MPP2: variants seen among roughly 807,000 people sequenced by gnomAD.
The protein encoded by MPP2 is MAGUK p55 scaffold protein 2.
In MPP2, 42 loss-of-function variants were observed where a neutral mutation model predicts 58.5. The observed-to-expected ratio is 0.72, with a 90% CI of 0.56 to 0.93. The LOEUF is 0.93. Among genes scored for constraint, MPP2 ranks in the 40% least tolerant of loss-of-function variants. MPP2 has a pLI of 0.00. For synonymous variants in MPP2, 300 were observed against 307.8 expected, an observed-to-expected ratio of 0.97 and a Z score of 0.26; for missense variants, 632 against 760.4, an observed-to-expected ratio of 0.83 and a Z score of 1.99.
At chr17:43,894,444 T>TATATATATATATATATATATATATATAC (rs1437854675) in intron 3 of MPP2, among the ~76,000 whole-genome samples, 1 of 81,274 alleles carries the variant, frequency 1.2e-5, no homozygotes, top group Non-Finnish European at 2.4e-5. Context: ...TATATATATA[T>TATATATATATATATATATATATATATAC]ACACACACAC....
chr17:43,896,628 C>G (rs953397584), intron 3 of MPP2, among the ~76,000 whole-genome samples: 19 of 152,088 alleles, frequency 1.2e-4, no homozygotes, highest in Non-Finnish European at 2.5e-4. Context: ...CAGGCCAGCA[C>G]GTGCCCTGGA....
chr17:43,889,300 T>G (rs2047499150), intron 3 of MPP2, among the ~76,000 whole-genome samples: 1 of 151,772 alleles, frequency 6.6e-6, no homozygotes, highest in African/African-American at 2.4e-5. Context: ...AAAGCTCTTG[T>G]CAATATCCTA....
intron 3 of MPP2, among the ~76,000 whole-genome samples, chr17:43,894,509 C>T (rs1308662103): frequency 1.6e-5 from 2 of 127,128 alleles, no homozygotes; most frequent in African/African-American, 2.9e-5. Flanking sequence ...CCCAGCTACT[C>T]GGGAGGCTGA....
intron 2 of MPP2, among the ~76,000 whole-genome samples, chr17:43,899,617 T>C (rs2048002273): frequency 6.6e-6 from 1 of 152,134 alleles, no homozygotes; most frequent in Non-Finnish European, 1.5e-5. Context: ...AAGTCAAAGC[T>C]GAGGCCTGGA....
intron 3 of MPP2, 72 bp downstream of exon 3, chr17:43,898,190 G>A: frequency 8.5e-7 from 1 of 1,172,796 alleles, no homozygotes; most frequent in Non-Finnish European, 1.3e-6. Flanking sequence ...GCCCTCTGTA[G>A]CTAATACCCC....
rs991674408 is a variant in MPP2 at position 43,875,869 on chromosome 17, C to T, written c.*1938G>A. The T allele has an allele frequency of 2.0e-5, 3 of 152,222 alleles. No homozygotes were observed. Among genetic ancestry groups the T allele is most frequent in the African/African-American group, 7.2e-5 (3 of 41,430 alleles). 9.4% of individuals were successfully genotyped at this position (152,222 alleles called of 1,614,324 possible). A position where few individuals can be genotyped will look rare whatever the true frequency, so the allele number is the denominator to read the frequency against. Reference sequence around the variant, plus strand: ...GCTGCAACAACAGATCTTCCCCTGCCTCTACCCTCAAATCCCCCAGAGAAG... The same window carrying T: ...GCTGCAACAACAGATCTTCCCCTGCTTCTACCCTCAAATCCCCCAGAGAAG... On this transcript the variant is annotated 3_prime_UTR_variant, in exon 13 of 13. Coordinates refer to ENST00000269095, the MANE Select transcript of MPP2 (RefSeq NM_005374.5).
chr17:43,901,781 CTG>C (rs990024418), intron 2 of MPP2, among the ~76,000 whole-genome samples: 1 of 152,210 alleles, frequency 6.6e-6, no homozygotes, highest in African/African-American at 2.4e-5. Flanking sequence ...CCCAGTGCCA[CTG>C]TCCATTTATC....
At chr17:43,888,210 C>T (rs1040754097) in intron 3 of MPP2, among the ~76,000 whole-genome samples, 1 of 152,164 alleles carries the variant, frequency 6.6e-6, no homozygotes, top group Non-Finnish European at 1.5e-5. Context: ...TTTTCCCAAA[C>T]AGGCCAGGGA....
chr17:43,879,643 G>A lies in MPP2; in HGVS notation c.1353+139C>T. 9.2e-7 allele frequency: 1 copy of A among 1,086,134 alleles called. No homozygotes were observed. The highest frequency in any genetic ancestry group is 1.3e-6 in the Non-Finnish European group (1 of 754,476). 67.3% of individuals were successfully genotyped at this position (1,086,134 alleles called of 1,614,324 possible). A position where few individuals can be genotyped will look rare whatever the true frequency, so the allele number is the denominator to read the frequency against. On this transcript the variant is annotated intron_variant, in intron 11 of 12. Transcript: ENST00000269095. The surrounding 1 kb of genome is among the most constrained non-coding windows in gnomAD (Gnocchi z 4.1). Reference sequence around the variant, plus strand: ...GGAAGGCTGAGAAAGGTTCCAGGTGGGCTGGGTTTCTAGCAGTAGTTGAGG... The same window carrying A: ...GGAAGGCTGAGAAAGGTTCCAGGTGAGCTGGGTTTCTAGCAGTAGTTGAGG...
At chr17:43,909,675 G>T, upstream of MPP2, 6 of 1,272,572 alleles carry the variant, frequency 4.7e-6, no homozygotes, top group South Asian at 1.7e-5. Context: ...TGCATTCGTC[G>T]GTCAACAAGT....
At chr17:43,898,972 G>A (rs1050030236) in intron 2 of MPP2, among the ~76,000 whole-genome samples, 5 of 150,706 alleles carry the variant, frequency 3.3e-5, no homozygotes, top group Non-Finnish European at 7.4e-5. Context: ...CTGGCCGGGC[G>A]CGGTGGCTCA....
At chr17:43,884,129 C>G in intron 3 of MPP2, 1 of 702,860 alleles carries the variant, frequency 1.4e-6, no homozygotes, top group South Asian at 1.5e-5. Context: ...AGACATTCTG[C>G]TGCATAAACC....
Position 43,883,289 on chromosome 17 carries a change from C to T in MPP2, c.217G>A (p.Glu73Lys), listed in dbSNP as rs2047225771. 1 of 1,613,070 alleles carries T rather than the reference C, an allele frequency of 6.2e-7. No individual in the cohort carries two copies. Among genetic ancestry groups the T allele is most frequent in the Admixed American group, 1.7e-5 (1 of 59,968 alleles). ...VRDNNLELVQ[E>K]ILRDLAQLAE... ...AGCTGCGCCAGGTCCCGCAGGATCTCCTGCACCAGCTCCAGGTTGTTGTCT... is the reference window on the plus strand; with the variant it reads ...AGCTGCGCCAGGTCCCGCAGGATCTTCTGCACCAGCTCCAGGTTGTTGTCT... The change falls in exon 4 of 13, where the codon GAG becomes AAG. Residue 73 changes from glutamate to lysine, a missense_variant. By Grantham distance (56) the Glu-to-Lys change is moderately conservative. Transcript: ENST00000269095.
At position 43,877,930 on chromosome 17, in the gene MPP2, G is replaced by A. The variant is rs554116449; in HGVS notation, c.1536C>T (p.Tyr512=). 58 of 1,614,026 alleles carry A rather than the reference G, an allele frequency of 3.6e-5. No homozygotes were observed. In the South Asian group the frequency reaches 4.7e-4, roughly 13 times the overall value. The change falls in exon 13 of 13, where the codon TAC becomes TAT. Residue 512 remains tyrosine (Y), a synonymous_variant. Coordinates refer to ENST00000269095, the MANE Select transcript of MPP2 (RefSeq NM_005374.5). ...CCAGGCAGAGGTCAAAGTAGTGCCC[G>A]TAGCCCCGCTGGATGCGGCTGCTCT... is the stretch of plus-strand genomic sequence containing the variant. The part of the protein sequence containing the change: ...VEESSRIQRG[Y]GHYFDLCLVN...
Position 43,879,235 on chromosome 17 carries a change from GC to G in MPP2, c.1482+39del. 1 of 1,586,760 alleles carries G rather than the reference GC, an allele frequency of 6.3e-7. No individual in the cohort carries two copies. Among genetic ancestry groups the G allele is most frequent in the South Asian group, 1.1e-5 (1 of 88,194 alleles). Reference sequence around the variant, plus strand: ...TCAGGCCTGTCCCCCACCACCCTAGGCAGCTATCAGACCCCTCCCCCACACC... The same window carrying G: ...TCAGGCCTGTCCCCCACCACCCTAGGAGCTATCAGACCCCTCCCCCACACC... On this transcript the variant is annotated intron_variant, in intron 12 of 12. Coordinates refer to ENST00000269095, the MANE Select transcript of MPP2 (RefSeq NM_005374.5). The surrounding 1 kb of genome is among the most constrained non-coding windows in gnomAD (Gnocchi z 4.1).
chr17:43,880,727 T>C lies in MPP2; in HGVS notation c.1114A>G (p.Met372Val), dbSNP rs1277409278. The change falls in exon 10 of 13, where the codon ATG (methionine) becomes GTG (valine). Residue 372 changes from methionine to valine, a missense_variant. By Grantham distance (21) the Met-to-Val change is conservative (BLOSUM62 1). Coordinates refer to ENST00000269095, the MANE Select transcript of MPP2 (RefSeq NM_005374.5). This position sits in a 1 kb window ranked among gnomAD's most constrained non-coding sequence, Gnocchi z 5.2. ...GRRSLKNKLI[M>V]WDPDRYGTTV... ...GTGCCATAGCGATCTGGATCCCACA[T>C]GATGAGCTTGTTCTTCAGGCTGCGC... is the stretch of plus-strand genomic sequence containing the variant. 4 of 1,613,684 alleles carry C rather than the reference T, an allele frequency of 2.5e-6. No individual in the cohort carries two copies. Among genetic ancestry groups the C allele is most frequent in the Admixed American group, 3.3e-5 (2 of 59,958 alleles).
chr17:43,878,727 G>A (rs773463178), intron 12 of MPP2, among the ~76,000 whole-genome samples: 4 of 152,190 alleles, frequency 2.6e-5, no homozygotes, highest in Non-Finnish European at 4.4e-5. Context: ...AGGGACCCCT[G>A]CGCTCAGAGC....
Position 43,879,519 on chromosome 17 carries a change from G to A in MPP2, c.1354-116C>T. ...AGCACTTGGGAGTGGATGAGAAAAG[G>A]GTGCCCGGGGGTCTGGGACATGAGT... is the stretch of plus-strand genomic sequence containing the variant. On this transcript the variant is annotated intron_variant, in intron 11 of 12. Coordinates refer to ENST00000269095, the MANE Select transcript of MPP2 (RefSeq NM_005374.5). The surrounding 1 kb of genome is among the most constrained non-coding windows in gnomAD (Gnocchi z 4.1). 7.6e-7 allele frequency: 1 copy of A among 1,320,016 alleles called. No individual in the cohort carries two copies. The highest frequency in any genetic ancestry group is 1.3e-5 in the South Asian group (1 of 75,500). 81.8% of individuals were successfully genotyped at this position (1,320,016 alleles called of 1,614,324 possible). A position where few individuals can be genotyped will look rare whatever the true frequency, so the allele number is the denominator to read the frequency against.
chr17:43,889,205 CGT>C (rs1006986756), intron 3 of MPP2, among the ~76,000 whole-genome samples: 11 of 151,992 alleles, frequency 7.2e-5, no homozygotes, highest in African/African-American at 2.7e-4. Flanking sequence ...GAATTACAGG[CGT>C]GAGCCACCAC....
Sources: allele counts gnomAD v4.1 joint callset (sites outside exome capture counted in the v4.1 genomes callset), GRCh38; gene constraint gnomAD v4.1.1; non-coding constraint Gnocchi (gnomAD v3.1); transcripts MANE v1.5; gene names NCBI Gene and HGNC (gene_info 2026-07-23, HGNC 2026-07-21).